GREB1: variants seen among roughly 807,000 people sequenced by gnomAD.
The protein encoded by GREB1 is growth regulating estrogen receptor binding 1.
In GREB1, 106 loss-of-function variants were observed where a neutral mutation model predicts 200.7. That is an observed-to-expected ratio of 0.53 (90% CI 0.45 to 0.62). GREB1 has a LOEUF of 0.62. Ranked by LOEUF, GREB1 falls within the 20% of genes least tolerant of loss-of-function variation. The probability of loss-of-function intolerance (pLI) is 0.00; values close to 1 mark genes in which losing one functional copy is unlikely to be tolerated. For missense variants in GREB1, 2,243 were observed against 2,556.8 expected (o/e 0.88, Z 2.65); for synonymous variants, 1,132 against 1,092.4 (o/e 1.04, Z -0.72).
chr2:11,523,086 A>T (rs1673756513), intron 1 of GREB1, among the ~76,000 whole-genome samples: 1 of 152,230 alleles, frequency 6.6e-6, no homozygotes, highest in Admixed American at 6.5e-5. Flanking sequence ...AGGAACATGG[A>T]TAGAGCTGGA....
intron 17 of GREB1, among the ~76,000 whole-genome samples, chr2:11,606,341 G>T (rs1006725174): frequency 2.6e-5 from 4 of 152,164 alleles, no homozygotes; most frequent in Non-Finnish European, 5.9e-5. Flanking sequence ...TCAGCACTTG[G>T]TATGGTCAGT....
At chr2:11,604,621 C>A (rs6750908) in intron 17 of GREB1, among the ~76,000 whole-genome samples, 5,113 of 152,120 alleles carry the variant, frequency 0.034, 282 homozygotes, top group African/African-American at 0.11. Context: ...ATTATTTGGC[C>A]CAACCACCTC....
chr2:11,599,029 A>G (rs953114376), intron 15 of GREB1, among the ~76,000 whole-genome samples, 169 bp downstream of exon 15: 1 of 152,176 alleles, frequency 6.6e-6, no homozygotes, highest in Non-Finnish European at 1.5e-5. Flanking sequence ...GCTGGAAGTT[A>G]TCTCAGGGAT....
chr2:11,608,085 G>A (rs548067740), intron 17 of GREB1, among the ~76,000 whole-genome samples: 2 of 152,268 alleles, frequency 1.3e-5, no homozygotes, highest in South Asian at 4.1e-4. Context: ...AATCCCAAGA[G>A]AAGACTGGCT....
chr2:11,612,310 G>T, intron 18 of GREB1, 185 bp from the exon 19 acceptor site: 1 of 1,329,972 alleles, frequency 7.5e-7, no homozygotes, highest in East Asian at 3.3e-5. Flanking sequence ...CCATGTTCTA[G>T]CCGACTGAAA....
At chr2:11,586,332 A>T (rs1399422462) in intron 9 of GREB1, among the ~76,000 whole-genome samples, 1 of 152,204 alleles carries the variant, frequency 6.6e-6, no homozygotes, top group South Asian at 2.1e-4. Context: ...CGCCACTAGT[A>T]TTTTTTGACT....
At position 11,585,907 on chromosome 2, in the gene GREB1, C is replaced by T; in HGVS notation, c.1159+2C>T. The T allele has an allele frequency of 1.2e-6, 2 of 1,613,188 alleles. No individual in the cohort carries two copies. The highest frequency in any genetic ancestry group is 1.7e-6 in the Non-Finnish European group (2 of 1,179,946). ...AGGCCAAGCCAGTGATATTTAAAGG[C>T]AAGTACAGCAGTGCACCGAGTCGTG... On this transcript the variant is annotated splice_donor_variant, in intron 9 of 32. Coordinates refer to ENST00000381486, the MANE Select transcript of GREB1 (RefSeq NM_014668.4). LOFTEE classifies it low-confidence loss of function (GC_TO_GT_DONOR).
intron 1 of GREB1, among the ~76,000 whole-genome samples, chr2:11,485,314 C>T (rs1672630771): frequency 6.8e-6 from 1 of 147,446 alleles, no homozygotes; most frequent in African/African-American, 2.5e-5. Context: ...GCTCTTTTAC[C>T]CAGGTTGGAG....
At chr2:11,495,795 C>CCTTTTTTTTTTTTTTTTTTTTTTTT (rs1393933225) in intron 1 of GREB1, among the ~76,000 whole-genome samples, 1 of 140,470 alleles carries the variant, frequency 7.1e-6, no homozygotes, top group African/African-American at 2.7e-5. Flanking sequence ...TAAGTCCCCC[C>CCTTTTTTTTTTTTTTTTTTTTTTTT]GTTTTTTTTT....
intron 17 of GREB1, among the ~76,000 whole-genome samples, chr2:11,610,125 A>G (rs1211545496): frequency 6.6e-6 from 1 of 152,064 alleles, no homozygotes; most frequent in Admixed American, 6.6e-5. Flanking sequence ...TGAAGCAAAA[A>G]CTGGGATTCT....
intron 1 of GREB1, among the ~76,000 whole-genome samples, chr2:11,517,800 C>T (rs369469673): frequency 7.2e-5 from 11 of 152,168 alleles, no homozygotes; most frequent in East Asian, 5.8e-4. Context: ...TACAGGTGCC[C>T]GCCGCCATGC....
At chr2:11,588,662 G>C (rs1380296584) in intron 9 of GREB1, 84 bp from the exon 10 acceptor site, 1 of 1,246,562 alleles carries the variant, frequency 8.0e-7, no homozygotes, top group African/African-American at 1.5e-5. Context: ...CTCCTTCAGT[G>C]CCCTCACCCC....
intron 10 of GREB1, among the ~76,000 whole-genome samples, chr2:11,589,303 G>A (rs1680494313): frequency 6.6e-6 from 1 of 152,192 alleles, no homozygotes; most frequent in African/African-American, 2.4e-5. Context: ...GTGTTTGTAT[G>A]GGGTCAGTTT....
At chr2:11,509,641 G>A (rs1673296249) in intron 1 of GREB1, among the ~76,000 whole-genome samples, 1 of 152,122 alleles carries the variant, frequency 6.6e-6, no homozygotes, top group Admixed American at 6.5e-5. Flanking sequence ...ATTCAGAGGT[G>A]GGCCTTTAGG....
chr2:11,607,497 T>C lies in GREB1; in HGVS notation c.2667-3191T>C, dbSNP rs569611534. Reference sequence around the variant, plus strand: ...ACACACACATACATATATATACACATATATATACATATATGTACATACATA... The same window carrying C: ...ACACACACATACATATATATACACACATATATACATATATGTACATACATA... On this transcript the variant is annotated intron_variant, in intron 17 of 32. Coordinates refer to ENST00000381486, the MANE Select transcript of GREB1 (RefSeq NM_014668.4). Among the ~76,000 whole-genome samples, 419 of 141,980 alleles carry C rather than the reference T, an allele frequency of 3.0e-3. 4 individuals carry two copies. Among genetic ancestry groups the C allele is most frequent in the Non-Finnish European group, 4.6e-3 (307 of 66,558 alleles). 93.1% of individuals were successfully genotyped at this position (141,980 alleles called of 152,430 possible).
At chr2:11,592,748 C>A in intron 10 of GREB1, 28 bp from the exon 11 acceptor site, 1 of 1,416,824 alleles carries the variant, frequency 7.1e-7, no homozygotes, top group South Asian at 1.5e-5. Context: ...GCATTTGTGG[C>A]AGGCCCTCCG....
In GREB1 at chr2:11,556,600, T is replaced by C; in HGVS notation, c.-15T>C. ...TGAGATGCCATTTTAAACAGAAGAC[T>C]CCATCCTCTTGAAGATGGGAAATTC... On this transcript the variant is annotated 5_prime_UTR_variant, in exon 2 of 33. Transcript: ENST00000381486. 6.2e-7 allele frequency: 1 copy of C among 1,602,770 alleles called. No homozygotes were observed. Among genetic ancestry groups the C allele is most frequent in the Non-Finnish European group, 8.5e-7 (1 of 1,172,560 alleles).
chr2:11,605,144 C>CCT (rs1682141167), intron 17 of GREB1, among the ~76,000 whole-genome samples: 2 of 44,818 alleles, frequency 4.5e-5, no homozygotes, highest in African/African-American at 5.7e-5. Flanking sequence ...GAGCCTGCTT[C>CCT]TTTTTTTTTT....
chr2:11,632,531 T>C (rs1684967676), intron 27 of GREB1, among the ~76,000 whole-genome samples: 1 of 151,882 alleles, frequency 6.6e-6, no homozygotes, highest in African/African-American at 2.4e-5. Flanking sequence ...AGAGACGGGG[T>C]TTCACCATGT....
Sources: allele counts gnomAD v4.1 joint callset (sites outside exome capture counted in the v4.1 genomes callset), GRCh38; gene constraint gnomAD v4.1.1; transcripts MANE v1.5; gene names NCBI Gene and HGNC (gene_info 2026-07-23, HGNC 2026-07-21).